The following RUFY2 variants were observed in gnomAD, a reference collection of about 807,000 sequenced individuals.
RUFY2 encodes RUN and FYVE domain-containing protein 2.
A neutral mutation model predicts 94.4 loss-of-function variants in RUFY2; 49 were observed. That is an observed-to-expected ratio of 0.52 (90% CI 0.41 to 0.66). The LOEUF (loss-of-function observed/expected upper bound fraction) is 0.66. Ranked by LOEUF, RUFY2 falls within the 30% of genes least tolerant of loss-of-function variation. The probability of loss-of-function intolerance (pLI) is 0.00; values close to 1 mark genes in which losing one functional copy is unlikely to be tolerated. For synonymous variants in RUFY2, 255 were observed against 235.7 expected, an observed-to-expected ratio of 1.08 and a Z score of -0.75; for missense variants, 541 against 692.8, an observed-to-expected ratio of 0.78 and a Z score of 2.46.
intron 12 of RUFY2, chr10:68,377,822 T>G: frequency 1.0e-6 from 1 of 985,356 alleles, no homozygotes; most frequent in African/African-American, 1.7e-5. Context: ...AAGAGAAATT[T>G]CGGTTCAACT....
At chr10:68,343,314 G>A (rs1048940928), downstream of RUFY2, 11 of 152,300 alleles carry the variant, frequency 7.2e-5, no homozygotes, top group African/African-American at 2.7e-4. Context: ...GCCTATATAT[G>A]TGGAGCCTCT....
intron 16 of RUFY2, among the ~76,000 whole-genome samples, chr10:68,346,902 C>T (rs1250965046): frequency 2.0e-5 from 3 of 152,010 alleles, no homozygotes; most frequent in Admixed American, 6.6e-5. Context: ...TTTAGGAGGC[C>T]GAGGCAGGAG....
chr10:68,389,898 T>C (rs1016389346), intron 7 of RUFY2, among the ~76,000 whole-genome samples: 1 of 152,176 alleles, frequency 6.6e-6, no homozygotes, highest in Non-Finnish European at 1.5e-5. Context: ...ATATACATAT[T>C]ATTGCTATGA....
chr10:68,366,778 T>G (rs1469742603), intron 13 of RUFY2, among the ~76,000 whole-genome samples: 1 of 113,708 alleles, frequency 8.8e-6, no homozygotes, highest in Non-Finnish European at 1.7e-5. Context: ...ATATATTAAA[T>G]AAATAATTAA....
At chr10:68,396,926 G>T in intron 3 of RUFY2, 45 bp from the exon 4 acceptor site, 1 of 1,260,184 alleles carries the variant, frequency 7.9e-7, no homozygotes, top group Non-Finnish European at 1.2e-6. Flanking sequence ...CTAGCCCAAA[G>T]ATCACATCTT....
intron 15 of RUFY2, among the ~76,000 whole-genome samples, chr10:68,358,709 G>A (rs924674933): frequency 6.6e-6 from 1 of 152,048 alleles, no homozygotes; most frequent in Non-Finnish European, 1.5e-5. Flanking sequence ...TCAGGAGTTC[G>A]AGACCAGCCT....
chr10:68,365,409 G>A (rs905053387), intron 13 of RUFY2, among the ~76,000 whole-genome samples: 32 of 152,276 alleles, frequency 2.1e-4, no homozygotes, highest in African/African-American at 6.5e-4. Context: ...TCCCAAAGAT[G>A]TGCACGTTAG....
chr10:68,359,590 C>T (rs935923623), intron 15 of RUFY2, among the ~76,000 whole-genome samples: 3 of 143,448 alleles, frequency 2.1e-5, no homozygotes, highest in South Asian at 2.3e-4. Flanking sequence ...TATAAATATA[C>T]ATAGTAGTAG....
rs2050222049 is a variant in RUFY2 at position 68,394,347 on chromosome 10, C to G, written c.503G>C (p.Gly168Ala). ...ACTTACTTGTGAGTCTAAATCCTCT[C>G]CCTTCACACACAGATTAGCATCGAT... ...NVIDANLCVK[G>A]EDLDSQVGVI... Residue 168 changes from glycine (G) to alanine (A), a missense_variant, in exon 5 of 18, where the codon GGA (glycine) becomes GCA (alanine). Gly to Ala is a moderately conservative substitution (Grantham distance 60, BLOSUM62 0). Transcript: ENST00000602465. 1 of 1,613,838 alleles carries G rather than the reference C, an allele frequency of 6.2e-7. No individual in the cohort carries two copies.
rs1590034507 is a variant in RUFY2 at position 68,407,229 on chromosome 10, G to C, written c.-40C>G. 1 of 1,373,068 alleles carries C rather than the reference G, an allele frequency of 7.3e-7. No individual in the cohort carries two copies. 85.1% of individuals were successfully genotyped at this position (1,373,068 alleles called of 1,614,324 possible). ...CGCGGTCTCGGGCGGAGGCTCCCTC[G>C]GCCTGTCCAGCAGCTCCTTCCAGGC... On this transcript the variant is annotated 5_prime_UTR_variant, in exon 1 of 18. Transcript: ENST00000602465.
downstream of RUFY2, chr10:68,343,214 T>C (rs1331676936): frequency 2.6e-5 from 4 of 152,198 alleles, no homozygotes; most frequent in African/African-American, 9.7e-5. Flanking sequence ...TGTCCTAGAA[T>C]GCTTTGTGTC....
In RUFY2 at chr10:68,379,547, T is replaced by C. The variant is rs551780073; in HGVS notation, c.1108-26A>G. The C allele has an allele frequency of 5.2e-6, 8 of 1,537,434 alleles. No individual in the cohort carries two copies. In the South Asian group the frequency reaches 6.8e-5, roughly 13 times the overall value. On this transcript the variant is annotated intron_variant, in intron 11 of 17. Coordinates refer to ENST00000602465, the MANE Select transcript of RUFY2 (RefSeq NM_001330103.2). ...CTATTTATAAAAACAAAAGCTATGG[T>C]GGTTTTGATTTGTGTGTGTGTGTTT...
At chr10:68,359,453 ATAG>A (rs528232735) in intron 15 of RUFY2, among the ~76,000 whole-genome samples, 119 of 141,012 alleles carry the variant, frequency 8.4e-4, no homozygotes, top group African/African-American at 2.7e-3. Context: ...ATAAATATAC[ATAG>A]TAGTAATGCT....
intron 16 of RUFY2, among the ~76,000 whole-genome samples, chr10:68,352,364 T>A (rs535380679): frequency 6.6e-5 from 10 of 152,250 alleles, no homozygotes; most frequent in Admixed American, 6.5e-4. Context: ...AGAGAGAAGT[T>A]AGGGAATTCA....
At chr10:68,359,598 TA>T (rs1274163765) in intron 15 of RUFY2, among the ~76,000 whole-genome samples, 8 of 146,200 alleles carry the variant, frequency 5.5e-5, no homozygotes, top group Admixed American at 1.4e-4. Flanking sequence ...TACATAGTAG[TA>T]GTGCTACTAT....
chr10:68,371,569 C>T lies in RUFY2; in HGVS notation c.1325+5284G>A, dbSNP rs574503887. Among the ~76,000 whole-genome samples, 10 of 149,802 alleles carry T rather than the reference C, an allele frequency of 6.7e-5. No individual in the cohort carries two copies. The East Asian group carries it at 1.4e-3, about 21-fold the overall frequency. On this transcript the variant is annotated intron_variant, in intron 13 of 17. Coordinates refer to ENST00000602465, the MANE Select transcript of RUFY2 (RefSeq NM_001330103.2). Reference sequence around the variant, plus strand: ...ATCGCGCCACTGCACTCTAGCCTGGCGACAGAGCGAGACTCCGCCTCAAAA... The same window carrying T: ...ATCGCGCCACTGCACTCTAGCCTGGTGACAGAGCGAGACTCCGCCTCAAAA...
chr10:68,352,773 A>G (rs141017845), intron 16 of RUFY2, among the ~76,000 whole-genome samples: 5 of 152,216 alleles, frequency 3.3e-5, no homozygotes, highest in Admixed American at 6.5e-5. Context: ...TACTAAAAAT[A>G]TAAAAATTAG....
At chr10:68,364,956 A>G (rs1162125039) in intron 13 of RUFY2, among the ~76,000 whole-genome samples, 1 of 152,096 alleles carries the variant, frequency 6.6e-6, no homozygotes, top group African/African-American at 2.4e-5. Flanking sequence ...TTCCATGATT[A>G]TTGCTCATAA....
chr10:68,375,646 A>G (rs1006417130), intron 13 of RUFY2, among the ~76,000 whole-genome samples: 1 of 151,576 alleles, frequency 6.6e-6, no homozygotes, highest in Admixed American at 6.6e-5. Flanking sequence ...TGTGGTGGCG[A>G]GTGCCTGTAG....
Sources: allele counts gnomAD v4.1 joint callset (sites outside exome capture counted in the v4.1 genomes callset), GRCh38; gene constraint gnomAD v4.1.1; transcripts MANE v1.5; gene names NCBI Gene and HGNC (gene_info 2026-07-23, HGNC 2026-07-21).